Variants in TNFAIP6 observed in about 807,000 individuals in gnomAD.
The protein encoded by TNFAIP6 is TNF alpha induced protein 6.
In TNFAIP6, 36 loss-of-function variants were observed where a neutral mutation model predicts 33.7. The ratio of observed to expected loss-of-function variants is 1.07; its 90% confidence interval spans 0.82 to 1.41. The LOEUF (loss-of-function observed/expected upper bound fraction) is 1.41, where lower values mean the gene tolerates loss of function less well. TNFAIP6 is among the 40% of genes most tolerant of loss of function. The pLI, the probability that TNFAIP6 is intolerant of heterozygous loss-of-function variation, is 0.00. For synonymous variants in TNFAIP6, 113 were observed against 112.8 expected (o/e 1.00, Z -0.01); for missense variants, 273 against 331.9 (o/e 0.82, Z 1.38).
rs548329990 is a variant in TNFAIP6 at position 151,374,863 on chromosome 2, C to T, written c.664+1274C>T. On this transcript the variant is annotated intron_variant, in intron 5 of 5. Coordinates refer to ENST00000243347, the MANE Select transcript of TNFAIP6 (RefSeq NM_007115.4). ...AGCCTAGGCCAGGTGCCGTGGCTCA[C>T]GTCTGTAATCCCAGCACTTTGGGAG... is the stretch of plus-strand genomic sequence containing the variant. 9.0e-4 allele frequency among the ~76,000 whole-genome samples: 137 copies of T among 152,248 alleles called. 3 individuals are homozygous for T. The highest frequency in any genetic ancestry group is 1.8e-4 in the Non-Finnish European group (12 of 68,024).
In TNFAIP6 at chr2:151,364,025, AT is replaced by A; in HGVS notation, c.180del (p.Phe60LeufsTer12). On this transcript the variant is annotated frameshift_variant, in exon 2 of 6. Transcript: ENST00000243347. LOFTEE classifies it high-confidence loss of function. ...ACGCAGAAGCTAAGGCGGTGTGTGA[AT>A]TTGAAGGCGGCCATCTCGCAACTTA... ...TYAEAKAVCE[F>X]EGGHLATYKQ... The A allele has an allele frequency of 1.2e-6, 2 of 1,614,200 alleles. No homozygotes were observed. The highest frequency in any genetic ancestry group is 3.3e-4 in the Middle Eastern group (2 of 6,062).
In TNFAIP6 at chr2:151,379,383, G is replaced by A. The variant is rs201369434; in HGVS notation, c.684G>A (p.Lys228=). The A allele has an allele frequency of 9.4e-6, 15 of 1,601,302 alleles. No individual in the cohort carries two copies. The highest frequency in any genetic ancestry group is 1.3e-5 in the Non-Finnish European group (15 of 1,175,556). Residue 228 remains lysine (K), a synonymous_variant, in exon 6 of 6, where the codon AAG becomes AAA. Transcript: ENST00000243347. ...IISTGNVMTL[K]FLSDASVTAG... is the part of the protein sequence containing the mutation. ...CAACAGGAAATGTCATGACCTTGAA[G>A]TTTCTAAGTGATGCTTCAGTGACAG...
intron 5 of TNFAIP6, among the ~76,000 whole-genome samples, chr2:151,374,879 A>G (rs1446907247): frequency 6.6e-6 from 1 of 152,144 alleles, no homozygotes; most frequent in African/African-American, 2.4e-5. Flanking sequence ...TAATCCCAGC[A>G]CTTTGGGAGG....
intron 4 of TNFAIP6, chr2:151,372,168 G>A (rs1163790315): frequency 6.6e-6 from 1 of 152,192 alleles, no homozygotes; most frequent in Non-Finnish European, 1.5e-5. Context: ...TGCCTAAGGA[G>A]GGGTGAACCT....
chr2:151,358,565 T>TA (rs1008288561), intron 1 of TNFAIP6, among the ~76,000 whole-genome samples: 50 of 151,658 alleles, frequency 3.3e-4, no homozygotes, highest in African/African-American at 7.7e-4. Flanking sequence ...TGTTTAATAG[T>TA]AAAAAAAAAT....
At chr2:151,374,006 G>C (rs1038425294) in intron 5 of TNFAIP6, among the ~76,000 whole-genome samples, 1 of 152,016 alleles carries the variant, frequency 6.6e-6, no homozygotes, top group African/African-American at 2.4e-5. Flanking sequence ...TTTTATCTTA[G>C]TACAATATTC....
At chr2:151,373,502 A>G in intron 4 of TNFAIP6, 47 bp from the exon 5 acceptor site, 1 of 1,243,076 alleles carries the variant, frequency 8.0e-7, no homozygotes, top group South Asian at 1.6e-5. Context: ...TACTAGCTGT[A>G]TAATATTCAT....
At chr2:151,361,927 T>C (rs1017197323) in intron 1 of TNFAIP6, among the ~76,000 whole-genome samples, 5 of 152,202 alleles carry the variant, frequency 3.3e-5, no homozygotes, top group African/African-American at 9.7e-5. Flanking sequence ...AGCAGGATCC[T>C]TGGAGTTCAG....
chr2:151,380,215 T>G (rs182453894), downstream of TNFAIP6, among the ~76,000 whole-genome samples: 52 of 152,290 alleles, frequency 3.4e-4, no homozygotes, highest in African/African-American at 1.2e-3. Flanking sequence ...TATAATTTTT[T>G]GTTAATTTTT....
Position 151,359,490 on chromosome 2 carries a change from G to A in TNFAIP6, c.94+1730G>A, listed in dbSNP as rs894958924. 4.7e-5 allele frequency among the ~76,000 whole-genome samples: 7 copies of A among 149,642 alleles called. No homozygotes were observed. In the East Asian group the frequency reaches 5.9e-4, roughly 13 times the overall value. ...TCCAAGCTCCGCCTCCCAGGTTCAC[G>A]CCATTCTCCTGCCTCAGCCTCCCAA... On this transcript the variant is annotated intron_variant, in intron 1 of 5. Coordinates refer to ENST00000243347, the MANE Select transcript of TNFAIP6 (RefSeq NM_007115.4).
intron 2 of TNFAIP6, among the ~76,000 whole-genome samples, chr2:151,365,437 G>C (rs781539849): frequency 3.9e-5 from 6 of 152,074 alleles, no homozygotes; most frequent in Non-Finnish European, 5.9e-5. Flanking sequence ...TCAGGGGTTT[G>C]AGACCAGTCT....
At chr2:151,359,173 G>A (rs2152010820) in intron 1 of TNFAIP6, among the ~76,000 whole-genome samples, 1 of 152,228 alleles carries the variant, frequency 6.6e-6, no homozygotes, top group African/African-American at 2.4e-5. Context: ...TCAATCTGGG[G>A]CAAATTTTTG....
In TNFAIP6 at chr2:151,367,905, T is replaced by G. The variant is rs559586524; in HGVS notation, c.394+1688T>G. 1.8e-3 allele frequency among the ~76,000 whole-genome samples: 270 copies of G among 152,240 alleles called. 1 individual carries two copies. Among genetic ancestry groups the G allele is most frequent in the African/African-American group, 6.2e-3 (256 of 41,546 alleles). ...CAAAAATAAAGCAATCATTATTGAT[T>G]AATCAATGTCACCAAGTTAGAGCTG... On this transcript the variant is annotated intron_variant, in intron 3 of 5. Transcript: ENST00000243347.
intron 4 of TNFAIP6, among the ~76,000 whole-genome samples, chr2:151,371,732 T>C (rs865934089): frequency 1.3e-5 from 2 of 152,068 alleles, no homozygotes; most frequent in South Asian, 2.1e-4. Flanking sequence ...GTAGCTGGGA[T>C]TACAGGCGCC....
chr2:151,357,821 G>A (rs886558936), intron 1 of TNFAIP6, 61 bp downstream of exon 1: 10 of 1,127,992 alleles, frequency 8.9e-6, no homozygotes, highest in Non-Finnish European at 9.4e-6. Flanking sequence ...TCATGGAGAA[G>A]GAAATTTAAA....
intron 5 of TNFAIP6, among the ~76,000 whole-genome samples, chr2:151,378,260 A>C (rs1221741821): frequency 6.6e-6 from 1 of 152,122 alleles, no homozygotes; most frequent in Non-Finnish European, 1.5e-5. Context: ...CCTATATTTT[A>C]TGTTATATAA....
rs1468470122 is a variant in TNFAIP6, at chr2:151,379,475, C to T, written c.776C>T (p.Thr259Ile). Reference sequence around the variant, plus strand: ...TCCAAATCCAGTCAAGGAAAAAATACAAGTACTACTTCTACTGGAAATAAA... The same window carrying T: ...TCCAAATCCAGTCAAGGAAAAAATATAAGTACTACTTCTACTGGAAATAAA... ...PVSKSSQGKN[T>I]STTSTGNKNF... Residue 259 changes from threonine (T) to isoleucine (I), a missense_variant, in exon 6 of 6, where the codon ACA becomes ATA. Coordinates refer to ENST00000243347, the MANE Select transcript of TNFAIP6 (RefSeq NM_007115.4). 1 of 1,595,790 alleles carries T rather than the reference C, an allele frequency of 6.3e-7. No individual in the cohort carries two copies. The highest frequency in any genetic ancestry group is 8.5e-7 in the Non-Finnish European group (1 of 1,172,692).
chr2:151,378,636 C>T (rs1056569125), intron 5 of TNFAIP6, among the ~76,000 whole-genome samples: 1 of 151,728 alleles, frequency 6.6e-6, no homozygotes, highest in African/African-American at 2.4e-5. Flanking sequence ...TACAGGCACA[C>T]GCCACCAAGC....
chr2:151,362,391 T>C (rs1436695512), intron 1 of TNFAIP6, among the ~76,000 whole-genome samples: 1 of 152,026 alleles, frequency 6.6e-6, no homozygotes, highest in Non-Finnish European at 1.5e-5. Flanking sequence ...TTCTCTGCTG[T>C]GTTTGAATCT....
Sources: allele counts gnomAD v4.1 joint callset (sites outside exome capture counted in the v4.1 genomes callset), GRCh38; gene constraint gnomAD v4.1.1; transcripts MANE v1.5; gene names NCBI Gene and HGNC (gene_info 2026-07-23, HGNC 2026-07-21).